ANKS1B: variants seen among roughly 807,000 people sequenced by gnomAD.
ANKS1B encodes the protein ankyrin repeat and sterile alpha motif domain containing 1B, also known as ankyrin repeat and sterile alpha motif domain-containing protein 1B.
Under a neutral mutation model 148.3 loss-of-function variants are expected in ANKS1B, and 36 were observed. That is an observed-to-expected ratio of 0.24 (90% CI 0.19 to 0.32). The LOEUF (loss-of-function observed/expected upper bound fraction) is 0.32. Among genes scored for constraint, ANKS1B ranks in the 10% least tolerant of loss-of-function variants. The pLI, the probability that ANKS1B is intolerant of heterozygous loss-of-function variation, is 1.00. For synonymous variants in ANKS1B, 542 were observed against 560.8 expected (o/e 0.97, Z 0.47); for missense variants, 1,157 against 1,542.6 (o/e 0.75, Z 4.19).
chr12:99,390,255 A>C (rs1462868291), intron 12 of ANKS1B, among the ~76,000 whole-genome samples: 1 of 152,172 alleles, frequency 6.6e-6, no homozygotes, highest in African/African-American at 2.4e-5. Flanking sequence ...TTAAAGAAGA[A>C]CTTGATATAT....
chr12:99,013,654 C>T (rs1354110720), intron 17 of ANKS1B, among the ~76,000 whole-genome samples: 1 of 152,170 alleles, frequency 6.6e-6, no homozygotes. Context: ...TGATAAACAA[C>T]TTCAGCAAAG....
At chr12:99,277,137 T>C (rs990535326) in intron 12 of ANKS1B, among the ~76,000 whole-genome samples, 6 of 152,194 alleles carry the variant, frequency 3.9e-5, no homozygotes, top group South Asian at 2.1e-4. Flanking sequence ...TATTTTGATG[T>C]ATTAAAAAAC....
At chr12:99,814,814 T>A (rs2153670227) in intron 2 of ANKS1B, among the ~76,000 whole-genome samples, 1 of 151,926 alleles carries the variant, frequency 6.6e-6, no homozygotes, top group Middle Eastern at 3.4e-3. Context: ...ATATATACAA[T>A]CAAAAGTTGT....
chr12:99,563,607 A>G (rs1390469349), intron 9 of ANKS1B, among the ~76,000 whole-genome samples: 1 of 152,204 alleles, frequency 6.6e-6, no homozygotes, highest in Non-Finnish European at 1.5e-5. Flanking sequence ...GATCACAGAT[A>G]ACCATAACAG....
intron 12 of ANKS1B, among the ~76,000 whole-genome samples, chr12:99,323,112 C>G (rs2085622890): frequency 6.6e-6 from 1 of 152,098 alleles, no homozygotes; most frequent in South Asian, 2.1e-4. Context: ...ATATTATCCT[C>G]CAAAAAGTTT....
At chr12:99,162,329 TA>T (rs1294306250) in intron 14 of ANKS1B, among the ~76,000 whole-genome samples, 5 of 152,112 alleles carry the variant, frequency 3.3e-5, no homozygotes, top group Non-Finnish European at 7.4e-5. Context: ...TATATATATG[TA>T]TTTATATAGT....
intron 17 of ANKS1B, among the ~76,000 whole-genome samples, chr12:98,955,515 G>A (rs1268891929): frequency 1.3e-5 from 2 of 152,178 alleles, no homozygotes; most frequent in African/African-American, 2.4e-5. Flanking sequence ...GTGGGAAGAC[G>A]AATTAGAAGG....
chr12:98,848,542 G>C (rs2099497010), intron 17 of ANKS1B, among the ~76,000 whole-genome samples: 1 of 150,774 alleles, frequency 6.6e-6, no homozygotes, highest in Non-Finnish European at 1.5e-5. Flanking sequence ...AATTTCATGA[G>C]ATTCAAGTAA....
At chr12:98,990,263 A>C (rs1598113248) in intron 17 of ANKS1B, among the ~76,000 whole-genome samples, 2 of 152,040 alleles carry the variant, frequency 1.3e-5, no homozygotes, top group African/African-American at 4.8e-5. Flanking sequence ...TATTTTTTGT[A>C]GCTATTGTAA....
chr12:98,939,679 T>C (rs1351445872), intron 17 of ANKS1B, among the ~76,000 whole-genome samples: 1 of 152,198 alleles, frequency 6.6e-6, no homozygotes, highest in African/African-American at 2.4e-5. Context: ...CCCCCAATAA[T>C]TTAAGCTTTG....
Position 99,427,669 on chromosome 12 carries a change from C to T in ANKS1B, c.1575+16004G>A, listed in dbSNP as rs565609163. Among the ~76,000 whole-genome samples the T allele has an allele frequency of 2.0e-5, 3 of 152,138 alleles. No homozygotes were observed. In the South Asian group the frequency reaches 6.2e-4, roughly 32 times the overall value. ...AGAGGCTCCTTGAGGACAGTGAACT[C>T]TTTTGTCTTGCTCACTGTTATTACC... On this transcript the variant is annotated intron_variant, in intron 11 of 26. Coordinates refer to ENST00000683438, the MANE Select transcript of ANKS1B (RefSeq NM_001352186.2).
chr12:99,686,568 T>C (rs1457749126), intron 8 of ANKS1B, among the ~76,000 whole-genome samples: 2 of 152,158 alleles, frequency 1.3e-5, no homozygotes, highest in Non-Finnish European at 2.9e-5. Flanking sequence ...AAGTTTTTCT[T>C]GTAATAAAAC....
chr12:99,539,629 C>CATAA (rs1213136588), intron 9 of ANKS1B, among the ~76,000 whole-genome samples: 3 of 152,208 alleles, frequency 2.0e-5, no homozygotes, highest in Admixed American at 6.5e-5. Flanking sequence ...AGATGGCAGG[C>CATAA]ATAAATACTA....
intron 8 of ANKS1B, among the ~76,000 whole-genome samples, chr12:99,749,201 A>G (rs1437747643): frequency 6.6e-6 from 1 of 152,132 alleles, no homozygotes; most frequent in Non-Finnish European, 1.5e-5. Flanking sequence ...GGGCTAATTA[A>G]TCAATACATC....
intron 8 of ANKS1B, among the ~76,000 whole-genome samples, chr12:99,696,024 C>T (rs1222169352): frequency 6.6e-6 from 1 of 152,088 alleles, no homozygotes. Flanking sequence ...ATCACTTGTA[C>T]CCCAAAACTC....
At chr12:99,621,713 A>G (rs2098053455) in intron 9 of ANKS1B, among the ~76,000 whole-genome samples, 1 of 152,118 alleles carries the variant, frequency 6.6e-6, no homozygotes, top group Non-Finnish European at 1.5e-5. Context: ...TAACTATCCT[A>G]GATATATACA....
chr12:99,279,413 G>A (rs1191628767), intron 12 of ANKS1B, among the ~76,000 whole-genome samples: 1 of 152,054 alleles, frequency 6.6e-6, no homozygotes, highest in Non-Finnish European at 1.5e-5. Context: ...TCTAATTGTA[G>A]AAGATTTCCA....
chr12:99,767,733 T>A (rs2062788539), intron 8 of ANKS1B, among the ~76,000 whole-genome samples: 1 of 152,124 alleles, frequency 6.6e-6, no homozygotes, highest in African/African-American at 2.4e-5. Context: ...ATGCATATTA[T>A]AAGAGTATAT....
At chr12:99,155,742 G>T (rs1477997125) in intron 14 of ANKS1B, among the ~76,000 whole-genome samples, 1 of 152,104 alleles carries the variant, frequency 6.6e-6, no homozygotes, top group Non-Finnish European at 1.5e-5. Context: ...CTTGCAGAAA[G>T]GTTAGTCTAA....
Sources: gnomAD v4.1 joint callset for allele counts (sites outside exome capture counted in the v4.1 genomes callset) on GRCh38, gnomAD v4.1.1 for gene constraint, MANE v1.5 for transcripts, NCBI Gene and HGNC (gene_info 2026-07-23, HGNC 2026-07-21) for gene names.